Variants in CRACD observed in about 807,000 individuals in gnomAD.
The protein encoded by CRACD is capping protein inhibiting regulator of actin dynamics, also known as capping protein-inhibiting regulator of actin dynamics.
Under a neutral mutation model 106.8 loss-of-function variants are expected in CRACD, and 56 were observed. The ratio of observed to expected loss-of-function variants is 0.52; its 90% confidence interval spans 0.42 to 0.66. The LOEUF (loss-of-function observed/expected upper bound fraction) is 0.66, where lower values mean the gene tolerates loss of function less well. Among genes scored for constraint, CRACD ranks in the 30% least tolerant of loss-of-function variants. CRACD has a pLI of 0.00. For missense variants in CRACD, 1,730 were observed against 1,623.2 expected (o/e 1.07, Z -1.13); for synonymous variants, 754 against 670.8 (o/e 1.12, Z -1.92).
intron 2 of CRACD, among the ~76,000 whole-genome samples, chr4:56,242,244 A>G (rs1361306741): frequency 6.6e-6 from 1 of 152,226 alleles, no homozygotes; most frequent in Non-Finnish European, 1.5e-5. Flanking sequence ...ATTAGTGTTT[A>G]CTTTGTGGAG....
chr4:56,224,988 C>T (rs889691249), intron 2 of CRACD, among the ~76,000 whole-genome samples: 13 of 152,202 alleles, frequency 8.5e-5, no homozygotes, highest in African/African-American at 2.9e-4. Flanking sequence ...AGCCCATGTG[C>T]CCTTCAGTGT....
chr4:56,292,266 T>C (rs1369728317), intron 3 of CRACD, among the ~76,000 whole-genome samples: 1 of 152,226 alleles, frequency 6.6e-6, no homozygotes, highest in African/African-American at 2.4e-5. Context: ...AGATGTGGCC[T>C]GGCTGCTTCT....
intron 3 of CRACD, among the ~76,000 whole-genome samples, chr4:56,297,339 T>C (rs1176847903): frequency 6.6e-6 from 1 of 152,196 alleles, no homozygotes; most frequent in African/African-American, 2.4e-5. Flanking sequence ...TAGCTGGGCT[T>C]AGTGGCTCAT....
At chr4:56,063,279 G>A (rs1012813463) in intron 1 of CRACD, among the ~76,000 whole-genome samples, 28 of 151,706 alleles carry the variant, frequency 1.8e-4, no homozygotes, top group African/African-American at 6.5e-4. Context: ...CCACAGCCTC[G>A]ACCTCTTGGG....
intron 1 of CRACD, among the ~76,000 whole-genome samples, chr4:56,143,582 A>T (rs1431828707): frequency 2.0e-5 from 3 of 152,194 alleles, no homozygotes; most frequent in East Asian, 3.9e-4. Flanking sequence ...AATGTTCATG[A>T]TCATTTATCA....
chr4:56,276,653 G>A (rs1742690686), intron 3 of CRACD, among the ~76,000 whole-genome samples: 1 of 152,178 alleles, frequency 6.6e-6, no homozygotes, highest in Non-Finnish European at 1.5e-5. Context: ...CACTATTCAA[G>A]CAATAAAGAG....
At chr4:56,307,773 G>A in intron 5 of CRACD, 74 bp downstream of exon 5, 1 of 1,479,340 alleles carries the variant, frequency 6.8e-7, no homozygotes, top group Non-Finnish European at 9.3e-7. Context: ...TAACCCTGGG[G>A]TCTGCAGCAG....
chr4:56,075,047 T>C (rs1271806474), intron 1 of CRACD, among the ~76,000 whole-genome samples: 2 of 152,172 alleles, frequency 1.3e-5, no homozygotes, highest in Non-Finnish European at 2.9e-5. Context: ...GACTTGATCG[T>C]GGTGGATAAG....
chr4:56,131,390 G>A, intron 1 of CRACD, among the ~76,000 whole-genome samples: 1 of 152,160 alleles, frequency 6.6e-6, no homozygotes, highest in Non-Finnish European at 1.5e-5. Flanking sequence ...CCTTTTTCCA[G>A]TGAGAGCCAG....
chr4:56,316,709 G>A lies in CRACD; in HGVS notation c.3187+20G>A. 1 of 1,587,862 alleles carries A rather than the reference G, an allele frequency of 6.3e-7. No homozygotes were observed. Among genetic ancestry groups the A allele is most frequent in the Admixed American group, 1.7e-5 (1 of 58,676 alleles). On this transcript the variant is annotated intron_variant, in intron 8 of 10. Transcript: ENST00000682029. ...GGAAAGGTAGGTAGCTGCAGGGTGG[G>A]TAACTGCTGCCAGCCGAGGTGTCAG...
rs1746720249 is a variant in CRACD, at chr4:56,330,224, TCTC to T, written c.*2423_*2425del. On this transcript the variant is annotated 3_prime_UTR_variant, in exon 11 of 11. Coordinates refer to ENST00000682029, the MANE Select transcript of CRACD (RefSeq NM_001393381.1). ...TTTTTTATTTAAACAAACATACACT[TCTC>T]CTGGCAAGGTTATAGATGATTAACC... is the stretch of plus-strand genomic sequence containing the variant. Among the ~76,000 whole-genome samples the T allele has an allele frequency of 6.6e-6, 1 of 151,946 alleles. No homozygotes were observed. The highest frequency in any genetic ancestry group is 1.5e-5 in the Non-Finnish European group (1 of 67,988).
At chr4:56,100,941 GT>G (rs1276374845) in intron 1 of CRACD, among the ~76,000 whole-genome samples, 6 of 152,184 alleles carry the variant, frequency 3.9e-5, no homozygotes, top group Admixed American at 3.9e-4. Flanking sequence ...GTAAATGCAA[GT>G]TTTAAAACCT....
chr4:56,165,432 A>G (rs540893574), intron 1 of CRACD, among the ~76,000 whole-genome samples: 4 of 152,328 alleles, frequency 2.6e-5, no homozygotes, highest in Admixed American at 2.0e-4. Context: ...ATTATTAATA[A>G]TGATTATCAC....
At chr4:56,113,723 C>T (rs926065156) in intron 1 of CRACD, among the ~76,000 whole-genome samples, 1 of 152,076 alleles carries the variant, frequency 6.6e-6, no homozygotes, top group African/African-American at 2.4e-5. Flanking sequence ...GACTGTCAAA[C>T]CTCTTAGAGA....
chr4:56,106,233 C>T (rs1047750404), intron 1 of CRACD, among the ~76,000 whole-genome samples: 6 of 152,178 alleles, frequency 3.9e-5, no homozygotes, highest in African/African-American at 1.4e-4. Flanking sequence ...CCCCAGGCCA[C>T]ACTTCTTCAA....
intron 2 of CRACD, among the ~76,000 whole-genome samples, chr4:56,204,971 A>G (rs887536654): frequency 6.6e-6 from 1 of 152,150 alleles, no homozygotes; most frequent in African/African-American, 2.4e-5. Context: ...AGCCTGGGCA[A>G]CATAGCAAGA....
At chr4:56,240,461 G>C (rs967659841) in intron 2 of CRACD, among the ~76,000 whole-genome samples, 1 of 152,146 alleles carries the variant, frequency 6.6e-6, no homozygotes, top group Non-Finnish European at 1.5e-5. Flanking sequence ...TTTAAGCAGA[G>C]CTCAGACACA....
At chr4:56,268,045 C>T (rs1292319062) in intron 2 of CRACD, among the ~76,000 whole-genome samples, 1 of 152,130 alleles carries the variant, frequency 6.6e-6, no homozygotes, top group Non-Finnish European at 1.5e-5. Context: ...AACAATGTGA[C>T]CAGTGCAGCA....
intron 1 of CRACD, among the ~76,000 whole-genome samples, chr4:56,158,876 A>G (rs532713388): frequency 6.6e-6 from 1 of 152,376 alleles, no homozygotes; most frequent in Admixed American, 6.5e-5. Flanking sequence ...CCAGAGAAAT[A>G]CAAGCCTGCA....
Sources: gnomAD v4.1 joint callset for allele counts (sites outside exome capture counted in the v4.1 genomes callset) on GRCh38, gnomAD v4.1.1 for gene constraint, MANE v1.5 for transcripts, NCBI Gene and HGNC (gene_info 2026-07-23, HGNC 2026-07-21) for gene names.